The following SERPINB6 variants were observed in gnomAD, a reference collection of about 807,000 sequenced individuals.
SERPINB6 encodes the protein serpin B6.
Under a neutral mutation model 26.1 loss-of-function variants are expected in SERPINB6, and 16 were observed. The observed-to-expected ratio is 0.61, with a 90% CI of 0.42 to 0.93. The LOEUF (loss-of-function observed/expected upper bound fraction) is 0.93, where lower values mean the gene tolerates loss of function less well. SERPINB6 is among the 40% of genes least tolerant of loss of function. The pLI is 0.00. For missense variants in SERPINB6, 420 were observed against 478.0 expected, an observed-to-expected ratio of 0.88 and a Z score of 1.13; for synonymous variants, 174 against 176.6, an observed-to-expected ratio of 0.99 and a Z score of 0.11.
intron 1 of SERPINB6, chr6:2,971,063 C>T (rs1169514654): frequency 4.3e-6 from 5 of 1,166,254 alleles, no homozygotes; most frequent in Non-Finnish European, 5.3e-6. Context: ...ACGCGTCCTC[C>T]GGGTCGCGGA....
At chr6:2,955,473 A>T (rs760692905) in intron 3 of SERPINB6, 51 bp downstream of exon 3, 8 of 1,612,952 alleles carry the variant, frequency 5.0e-6, no homozygotes, top group Non-Finnish European at 6.8e-6. Flanking sequence ...CCCAGCCCCC[A>T]CTACCTGGCC....
intron 3 of SERPINB6, 22 bp downstream of exon 3, chr6:2,955,502 A>C (rs750201115): frequency 6.2e-7 from 1 of 1,614,094 alleles, no homozygotes; most frequent in South Asian, 1.1e-5. Context: ...TTCTTTAGTG[A>C]ATAAGAGCAA....
intron 1 of SERPINB6, chr6:2,959,556 G>A (rs1051622448): frequency 8.8e-5 from 51 of 580,826 alleles, no homozygotes; most frequent in African/African-American, 5.0e-4. Context: ...GTGAAACGCC[G>A]CCCTGTTTTG....
chr6:2,963,093 C>A (rs1328395997), intron 1 of SERPINB6, among the ~76,000 whole-genome samples: 1 of 152,066 alleles, frequency 6.6e-6, no homozygotes, highest in African/African-American at 2.4e-5. Flanking sequence ...ACCCAAAAAG[C>A]AGCCAGAATC....
chr6:2,952,370 G>A (rs1208624582), intron 5 of SERPINB6, among the ~76,000 whole-genome samples: 1 of 152,146 alleles, frequency 6.6e-6, no homozygotes, highest in African/African-American at 2.4e-5. Context: ...CTTTGTCTAT[G>A]TTCAAAAATT....
At position 2,948,415 on chromosome 6, in the gene SERPINB6, C is replaced by G; in HGVS notation, c.1014G>C (p.Met338Ile). ...GGACGAATCTGGCACACCGCATCAT[C>G]ATGATGGCAGCTGTGGCGGCTGCAG... ...TEAAAATAAI[M>I]MMRCARFVPR... Residue 338 changes from methionine to isoleucine, a missense_variant, in exon 7 of 7, where the codon ATG becomes ATC. Met to Ile is a conservative substitution (Grantham distance 10). Coordinates refer to ENST00000380539, the MANE Select transcript of SERPINB6 (RefSeq NM_004568.6). The surrounding 1 kb of genome is among the most constrained non-coding windows in gnomAD (Gnocchi z 5.0). 3 of 1,614,222 alleles carry G rather than the reference C, an allele frequency of 1.9e-6. No individual in the cohort carries two copies. Among genetic ancestry groups the G allele is most frequent in the Non-Finnish European group, 2.5e-6 (3 of 1,180,038 alleles).
In SERPINB6 at chr6:2,948,259, C is replaced by T. The variant is rs1273340773; in HGVS notation, c.*39G>A. 1 of 1,611,626 alleles carries T rather than the reference C, an allele frequency of 6.2e-7. No individual in the cohort carries two copies. Among genetic ancestry groups the T allele is most frequent in the Non-Finnish European group, 8.5e-7 (1 of 1,179,452 alleles). On this transcript the variant is annotated 3_prime_UTR_variant, in exon 7 of 7. Coordinates refer to ENST00000380539, the MANE Select transcript of SERPINB6 (RefSeq NM_004568.6). The surrounding 1 kb of genome is among the most constrained non-coding windows in gnomAD (Gnocchi z 5.0). Reference sequence around the variant, plus strand: ...AGGCACACTGTGGAGTGTCAGGGGACAGAGAGGAGAGGGGCTGCACACCAA... The same window carrying T: ...AGGCACACTGTGGAGTGTCAGGGGATAGAGAGGAGAGGGGCTGCACACCAA...
intron 1 of SERPINB6, among the ~76,000 whole-genome samples, chr6:2,965,313 C>T (rs1188906418): frequency 6.6e-6 from 1 of 152,216 alleles, no homozygotes; most frequent in Non-Finnish European, 1.5e-5. Flanking sequence ...CGTCTGTCAC[C>T]ATGCTGCTGA....
In SERPINB6 at chr6:2,962,651, A is replaced by G. The variant is rs554353997; in HGVS notation, c.-10-3309T>C. ...ATGATATTCCATTTCTTAGTTGAAA[A>G]CACTGCTGACAGCCGTGAAAGGTAA... On this transcript the variant is annotated intron_variant, in intron 1 of 6. Transcript: ENST00000380539. 8.5e-4 allele frequency among the ~76,000 whole-genome samples: 130 copies of G among 152,354 alleles called. 1 individual carries two copies. The highest frequency in any genetic ancestry group is 2.9e-3 in the African/African-American group (122 of 41,582).
At chr6:2,962,418 G>A (rs1771223415) in intron 1 of SERPINB6, among the ~76,000 whole-genome samples, 1 of 152,196 alleles carries the variant, frequency 6.6e-6, no homozygotes. Flanking sequence ...GCACGAGTCA[G>A]GAGGAAGACA....
intron 2 of SERPINB6, 83 bp from the exon 3 acceptor site, chr6:2,955,753 C>CAA (rs1234385741): frequency 6.1e-6 from 9 of 1,487,400 alleles, no homozygotes; most frequent in Admixed American, 5.1e-5. Flanking sequence ...CTCAGCCTAA[C>CAA]AACCATCCAG....
intron 3 of SERPINB6, 42 bp from the exon 4 acceptor site, chr6:2,954,751 G>T: frequency 7.4e-7 from 1 of 1,347,724 alleles, no homozygotes; most frequent in Non-Finnish European, 1.1e-6. Context: ...CTACAAAAAT[G>T]ATGAACACCA....
At chr6:2,953,014 G>A (rs1164948719) in intron 5 of SERPINB6, 30 bp downstream of exon 5, 1 of 1,613,806 alleles carries the variant, frequency 6.2e-7, no homozygotes. Flanking sequence ...GTGAACACAG[G>A]CGCTGCTCCT....
At chr6:2,962,922 C>A (rs1211425699) in intron 1 of SERPINB6, among the ~76,000 whole-genome samples, 1 of 152,212 alleles carries the variant, frequency 6.6e-6, no homozygotes, top group African/African-American at 2.4e-5. Flanking sequence ...TCCCTTAACT[C>A]CCCAAACAGG....
At chr6:2,970,852 G>T (rs994895171) in intron 1 of SERPINB6, 6 of 1,231,442 alleles carry the variant, frequency 4.9e-6, no homozygotes, top group Non-Finnish European at 6.1e-6. Flanking sequence ...CAAACACAGA[G>T]CGGTAAGGAG....
At chr6:2,965,185 G>C (rs1489675577) in intron 1 of SERPINB6, among the ~76,000 whole-genome samples, 1 of 152,022 alleles carries the variant, frequency 6.6e-6, no homozygotes, top group Non-Finnish European at 1.5e-5. Flanking sequence ...AGTTTTCTAT[G>C]TACTATGTAT....
Position 2,970,526 on chromosome 6 carries a change from T to C in SERPINB6, c.-11+1007A>G, listed in dbSNP as rs959879258. 9 of 1,179,784 alleles carry C rather than the reference T, an allele frequency of 7.6e-6. No homozygotes were observed. The African/African-American group carries it at 1.4e-4, about 19-fold the overall frequency. 73.1% of individuals were successfully genotyped at this position (1,179,784 alleles called of 1,614,324 possible). A position where few individuals can be genotyped will look rare whatever the true frequency, so the allele number is the denominator to read the frequency against. On this transcript the variant is annotated intron_variant, in intron 1 of 6. Coordinates refer to ENST00000380539, the MANE Select transcript of SERPINB6 (RefSeq NM_004568.6). Reference sequence around the variant, plus strand: ...AGAAGGTCACTGAACACATCAGATCTCATCGCATCAGGCCTGACCCCCACC... The same window carrying C: ...AGAAGGTCACTGAACACATCAGATCCCATCGCATCAGGCCTGACCCCCACC...
At position 2,948,202 on chromosome 6, in the gene SERPINB6, C is replaced by A; in HGVS notation, c.*96G>T. On this transcript the variant is annotated 3_prime_UTR_variant, in exon 7 of 7. Coordinates refer to ENST00000380539, the MANE Select transcript of SERPINB6 (RefSeq NM_004568.6). This position sits in a 1 kb window ranked among gnomAD's most constrained non-coding sequence, Gnocchi z 5.0. The stretch of plus-strand genomic sequence containing the variant: ...AATGGGCCCTTTATTTCTGAACTGC[C>A]ACCACTGCACGGATAAGGCCACTTG... 7.1e-7 allele frequency: 1 copy of A among 1,402,406 alleles called. No individual in the cohort carries two copies. The allele number at this position is 1,402,406 out of a possible 1,614,324, so 86.9% of individuals were successfully genotyped here.
At position 2,954,642 on chromosome 6, in the gene SERPINB6, A is replaced by G. The variant is rs374591548; in HGVS notation, c.380T>C (p.Val127Ala). 5 of 1,613,978 alleles carry G rather than the reference A, an allele frequency of 3.1e-6. No individual in the cohort carries two copies. The highest frequency in any genetic ancestry group is 1.3e-5 in the African/African-American group (1 of 74,898). Residue 127 changes from valine to alanine, a missense_variant, in exon 4 of 7, where the codon GTA becomes GCA. Coordinates refer to ENST00000380539, the MANE Select transcript of SERPINB6 (RefSeq NM_004568.6). ...EMEELDFISA[V>A]EKSRKHINTW... Reference sequence around the variant, plus strand: ...GTTTATGTGTTTTCTGGACTTCTCTACGGCGCTGATAAAGTCAAGCTCCTC... The same window carrying G: ...GTTTATGTGTTTTCTGGACTTCTCTGCGGCGCTGATAAAGTCAAGCTCCTC...
Sources: allele counts gnomAD v4.1 joint callset (sites outside exome capture counted in the v4.1 genomes callset), GRCh38; gene constraint gnomAD v4.1.1; non-coding constraint Gnocchi (gnomAD v3.1); transcripts MANE v1.5; gene names NCBI Gene and HGNC (gene_info 2026-07-23, HGNC 2026-07-21).